Variants in OPCML observed in about 807,000 individuals in gnomAD.
The protein encoded by OPCML is opioid binding protein/cell adhesion molecule like, also known as opioid-binding protein/cell adhesion molecule.
Under a neutral mutation model 37.8 loss-of-function variants are expected in OPCML, and 13 were observed. The ratio of observed to expected loss-of-function variants is 0.34; its 90% CI spans 0.22 to 0.55. OPCML has a LOEUF of 0.55. OPCML is among the 20% of genes least tolerant of loss of function. The probability of loss-of-function intolerance (pLI) is 0.91; values close to 1 mark genes in which losing one functional copy is unlikely to be tolerated. For missense variants in OPCML, 341 were observed against 435.6 expected (o/e 0.78, Z 1.93); for synonymous variants, 176 against 168.8 (o/e 1.04, Z -0.33).
At chr11:133,387,482 C>T (rs980884238) in intron 1 of OPCML, among the ~76,000 whole-genome samples, 1 of 152,156 alleles carries the variant, frequency 6.6e-6, no homozygotes, top group Non-Finnish European at 1.5e-5. Flanking sequence ...CTTTCAGTGC[C>T]CCAACAGGCA....
chr11:132,628,109 C>A (rs1458060521), intron 3 of OPCML, among the ~76,000 whole-genome samples: 1 of 151,902 alleles, frequency 6.6e-6, no homozygotes, highest in Non-Finnish European at 1.5e-5. Context: ...CCTAGGTATG[C>A]AGAATTGCTG....
intron 2 of OPCML, among the ~76,000 whole-genome samples, chr11:132,663,159 A>G (rs1305521896): frequency 1.3e-5 from 2 of 152,212 alleles, no homozygotes; most frequent in African/African-American, 4.8e-5. Context: ...TTAATTATTT[A>G]TACTCTCATG....
At chr11:133,101,637 T>C (rs1410727422) in intron 1 of OPCML, among the ~76,000 whole-genome samples, 1 of 152,178 alleles carries the variant, frequency 6.6e-6, no homozygotes, top group South Asian at 2.1e-4. Flanking sequence ...CAAAATTGTA[T>C]GGCTATTTTG....
chr11:132,436,306 C>A, intron 6 of OPCML, 69 bp from the exon 7 acceptor site: 1 of 1,610,328 alleles, frequency 6.2e-7, no homozygotes, highest in Non-Finnish European at 8.5e-7. Flanking sequence ...AAACTCTTTT[C>A]TCCAACTAAT....
At chr11:132,761,965 G>C (rs917878759) in intron 2 of OPCML, among the ~76,000 whole-genome samples, 2 of 152,154 alleles carry the variant, frequency 1.3e-5, no homozygotes, top group Non-Finnish European at 2.9e-5. Context: ...TCTGGTCTTT[G>C]ATGTTGGTGA....
At chr11:132,698,713 A>G (rs1943696023) in intron 2 of OPCML, among the ~76,000 whole-genome samples, 1 of 152,194 alleles carries the variant, frequency 6.6e-6, no homozygotes, top group Admixed American at 6.5e-5. Flanking sequence ...GCCCAGACCA[A>G]TTTCAAGAAT....
At chr11:132,566,062 C>T (rs1355316583) in intron 3 of OPCML, among the ~76,000 whole-genome samples, 1 of 152,156 alleles carries the variant, frequency 6.6e-6, no homozygotes, top group Non-Finnish European at 1.5e-5. Flanking sequence ...AAAAACCTCC[C>T]ATTTGGCTCT....
intron 1 of OPCML, among the ~76,000 whole-genome samples, chr11:132,994,738 C>A (rs1444845853): frequency 6.6e-6 from 1 of 152,150 alleles, no homozygotes; most frequent in African/African-American, 2.4e-5. Flanking sequence ...TGGCATTATA[C>A]CAGCTAAATG....
intron 1 of OPCML, among the ~76,000 whole-genome samples, chr11:133,529,978 G>A (rs1028122460): frequency 6.6e-6 from 1 of 152,068 alleles, no homozygotes; most frequent in Non-Finnish European, 1.5e-5. Flanking sequence ...TGTTCTTACC[G>A]GGCTCCTGAC....
intron 2 of OPCML, among the ~76,000 whole-genome samples, chr11:132,921,143 C>T (rs555986834): frequency 6.6e-6 from 1 of 152,286 alleles, no homozygotes; most frequent in Admixed American, 6.5e-5. Flanking sequence ...AACTTCCTTT[C>T]GACAGCCTGG....
intron 7 of OPCML, chr11:132,435,197 A>G (rs1225282088): frequency 1.6e-5 from 21 of 1,288,804 alleles, no homozygotes; most frequent in Non-Finnish European, 1.9e-5. Flanking sequence ...TAAGACACAC[A>G]CAGCACAATG....
chr11:132,755,175 G>A (rs1945993876), intron 2 of OPCML, among the ~76,000 whole-genome samples: 3 of 152,166 alleles, frequency 2.0e-5, no homozygotes, highest in East Asian at 1.9e-4. Context: ...AAAGACTCCT[G>A]TATCTTCATG....
intron 1 of OPCML, among the ~76,000 whole-genome samples, chr11:132,994,750 A>C (rs552678087): frequency 6.6e-6 from 1 of 152,160 alleles, no homozygotes; most frequent in African/African-American, 2.4e-5. Context: ...AGCTAAATGG[A>C]ACACAGCCCC....
At chr11:132,641,412 T>C (rs1252062839) in intron 3 of OPCML, among the ~76,000 whole-genome samples, 2 of 152,148 alleles carry the variant, frequency 1.3e-5, no homozygotes, top group South Asian at 2.1e-4. Context: ...CTGTTTGAGA[T>C]GCTCCCAGCA....
At chr11:132,592,611 C>A (rs1333377253) in intron 3 of OPCML, among the ~76,000 whole-genome samples, 1 of 152,192 alleles carries the variant, frequency 6.6e-6, no homozygotes, top group East Asian at 1.9e-4. Context: ...AGCAAGAGAC[C>A]TGCAGTGCAG....
At chr11:133,489,908 A>G (rs1947618777) in intron 1 of OPCML, among the ~76,000 whole-genome samples, 1 of 152,024 alleles carries the variant, frequency 6.6e-6, no homozygotes, top group Non-Finnish European at 1.5e-5. Context: ...ATTTATACAT[A>G]CATATACATC....
At chr11:133,167,268 ATTG>A (rs1950220991) in intron 1 of OPCML, among the ~76,000 whole-genome samples, 1 of 152,150 alleles carries the variant, frequency 6.6e-6, no homozygotes, top group Non-Finnish European at 1.5e-5. Context: ...TATTATCAAT[ATTG>A]TTATTATTAT....
chr11:132,465,534 CT>C (rs10713061), intron 4 of OPCML, among the ~76,000 whole-genome samples: 9,134 of 151,618 alleles, frequency 0.06, 817 homozygotes, highest in African/African-American at 0.19. Flanking sequence ...TTCGATTGGA[CT>C]TTTTTTTACA....
intron 4 of OPCML, among the ~76,000 whole-genome samples, chr11:132,495,646 C>T (rs1055850395): frequency 8.5e-5 from 13 of 152,182 alleles, no homozygotes; most frequent in African/African-American, 2.9e-4. Context: ...AATCCCAGCA[C>T]TTTGGGAAGC....
Sources: gnomAD v4.1 joint callset for allele counts (sites outside exome capture counted in the v4.1 genomes callset) on GRCh38, gnomAD v4.1.1 for gene constraint, MANE v1.5 for transcripts, NCBI Gene and HGNC (gene_info 2026-07-23, HGNC 2026-07-21) for gene names.